The following MYLK variants were observed in gnomAD, a reference collection of about 807,000 sequenced individuals.
The protein encoded by MYLK is myosin light chain kinase, also known as myosin light chain kinase, smooth muscle.
MYLK carries 106 observed loss-of-function variants against 203.4 expected under a neutral mutation model. The ratio of observed to expected loss-of-function variants is 0.52; its 90% CI spans 0.45 to 0.61. MYLK has a LOEUF of 0.61. Ranked by LOEUF, MYLK falls within the 20% of genes least tolerant of loss-of-function variation. MYLK has a pLI of 0.00. For missense variants in MYLK, 2,072 were observed against 2,442.3 expected, an observed-to-expected ratio of 0.85 and a Z score of 3.20; for synonymous variants, 867 against 959.5, an observed-to-expected ratio of 0.90 and a Z score of 1.78.
intron 5 of MYLK, among the ~76,000 whole-genome samples, chr3:123,747,096 A>T (rs2063042488): frequency 6.6e-6 from 1 of 152,202 alleles, no homozygotes. Flanking sequence ...AGATAAAAGG[A>T]GTCTAAGAGA....
At chr3:123,735,081 C>T in intron 9 of MYLK, 1 of 398,402 alleles carries the variant, frequency 2.5e-6, no homozygotes, top group Non-Finnish European at 4.8e-6. Flanking sequence ...ACAGATTCCG[C>T]CCTGGAATGA....
At chr3:123,802,143 A>G (rs764099630) in intron 3 of MYLK, among the ~76,000 whole-genome samples, 2 of 152,164 alleles carry the variant, frequency 1.3e-5, no homozygotes, top group Non-Finnish European at 2.9e-5. Flanking sequence ...GTCAGATGGT[A>G]CCTCATGATA....
chr3:123,809,415 A>G (rs2065478069), intron 3 of MYLK, among the ~76,000 whole-genome samples: 1 of 152,194 alleles, frequency 6.6e-6, no homozygotes, highest in South Asian at 2.1e-4. Flanking sequence ...AATCCCAGCT[A>G]CTTGGGAGGC....
chr3:123,705,648 CCAGA>C (rs755333440), intron 16 of MYLK, among the ~76,000 whole-genome samples: 5 of 152,170 alleles, frequency 3.3e-5, no homozygotes, highest in Non-Finnish European at 5.9e-5. Flanking sequence ...CCAGCTGGCC[CCAGA>C]CAGTCTGCCT....
chr3:123,740,809 G>A (rs1292396598), intron 5 of MYLK, among the ~76,000 whole-genome samples: 4 of 152,372 alleles, frequency 2.6e-5, no homozygotes, highest in East Asian at 3.9e-4. Flanking sequence ...CATAGTAGGC[G>A]CTATCCTACT....
At chr3:123,761,813 G>A (rs549856166) in intron 4 of MYLK, among the ~76,000 whole-genome samples, 1 of 152,242 alleles carries the variant, frequency 6.6e-6, no homozygotes, top group African/African-American at 2.4e-5. Context: ...ATCGCCTGAG[G>A]TCAGGAATTT....
intron 3 of MYLK, among the ~76,000 whole-genome samples, chr3:123,809,334 G>A (rs1393224689): frequency 6.6e-6 from 1 of 152,122 alleles, no homozygotes; most frequent in Non-Finnish European, 1.5e-5. Flanking sequence ...AGACAAGCCT[G>A]GCCAACATGG....
At chr3:123,714,842 T>C (rs2061836955) in intron 13 of MYLK, among the ~76,000 whole-genome samples, 1 of 152,198 alleles carries the variant, frequency 6.6e-6, no homozygotes, top group Admixed American at 6.5e-5. Flanking sequence ...TGGAAAAGGA[T>C]TGATCGGGCT....
intron 2 of MYLK, among the ~76,000 whole-genome samples, chr3:123,872,971 G>A (rs1048840110): frequency 6.6e-6 from 1 of 152,076 alleles, no homozygotes; most frequent in African/African-American, 2.4e-5. Flanking sequence ...AAGCTATATA[G>A]GGGCTCACCA....
At chr3:123,838,513 T>A (rs2682202) in intron 2 of MYLK, among the ~76,000 whole-genome samples, 128,118 of 152,192 alleles carry the variant, frequency 0.84, 54,144 homozygotes, top group East Asian at 0.96. Flanking sequence ...AGACATTTTT[T>A]AAAATGTTTA....
chr3:123,627,084 G>A lies in MYLK; in HGVS notation c.5115-143C>T, dbSNP rs2058184609. ...GCTCCCGGACCATCCACCGTGATCA[G>A]GATCACTGTGCTCTTCACCTTTCTC... On this transcript the variant is annotated intron_variant, in intron 30 of 33. Transcript: ENST00000360304. The A allele has an allele frequency of 1.0e-5, 9 of 895,030 alleles. 1 individual carries two copies. The South Asian group carries it at 1.3e-4, about 13-fold the overall frequency. 55.4% of individuals were successfully genotyped at this position (895,030 alleles called of 1,614,324 possible). A position where few individuals can be genotyped will look rare whatever the true frequency, so the allele number is the denominator to read the frequency against.
At chr3:123,814,946 C>T (rs1293907676) in intron 3 of MYLK, among the ~76,000 whole-genome samples, 1 of 152,106 alleles carries the variant, frequency 6.6e-6, no homozygotes, top group Non-Finnish European at 1.5e-5. Flanking sequence ...GCACCTGACA[C>T]CATGCCTGGC....
intron 2 of MYLK, among the ~76,000 whole-genome samples, chr3:123,864,492 T>G (rs1432856905): frequency 6.6e-6 from 1 of 152,188 alleles, no homozygotes; most frequent in Non-Finnish European, 1.5e-5. Flanking sequence ...GATGGAAGGA[T>G]GGACAGATAG....
At chr3:123,710,634 T>G (rs987582623) in intron 13 of MYLK, among the ~76,000 whole-genome samples, 2 of 152,196 alleles carry the variant, frequency 1.3e-5, no homozygotes, top group African/African-American at 4.8e-5. Context: ...ACATGGCAGG[T>G]GGTACAGAAC....
chr3:123,700,768 G>C lies in MYLK; in HGVS notation c.2700C>G (p.Leu900=), dbSNP rs1267434000. The C allele has an allele frequency of 6.2e-7, 1 of 1,614,160 alleles. No individual in the cohort carries two copies. Among genetic ancestry groups the C allele is most frequent in the South Asian group, 1.1e-5 (1 of 91,080 alleles). Residue 900 remains leucine (L), a synonymous_variant, in exon 18 of 34, where the codon CTC becomes CTG. Coordinates refer to ENST00000360304, the MANE Select transcript of MYLK (RefSeq NM_053025.4). The part of the protein sequence containing the change: ...QEVEQLDFRD[L]LGKKVSTKTL... The stretch of plus-strand genomic sequence containing the variant: ...TCTTTGTACTCACCTTCTTCCCCAG[G>C]AGGTCTCGGAAGTCCAGCTGCTCCA...
chr3:123,755,841 T>C (rs1365261452), intron 4 of MYLK, among the ~76,000 whole-genome samples: 1 of 152,168 alleles, frequency 6.6e-6, no homozygotes, highest in Non-Finnish European at 1.5e-5. Flanking sequence ...ATGTATAGAC[T>C]CTTACTTGAC....
chr3:123,858,335 C>T (rs1021413744), intron 2 of MYLK, among the ~76,000 whole-genome samples: 2 of 152,162 alleles, frequency 1.3e-5, no homozygotes, highest in East Asian at 3.9e-4. Flanking sequence ...TAACCTTTCA[C>T]CCATTCCCTT....
chr3:123,837,815 G>A (rs1030544271), intron 2 of MYLK, among the ~76,000 whole-genome samples: 1 of 151,516 alleles, frequency 6.6e-6, no homozygotes, highest in African/African-American at 2.4e-5. Flanking sequence ...ACACAACTGG[G>A]GAAACAAAAT....
intron 3 of MYLK, among the ~76,000 whole-genome samples, chr3:123,804,989 G>A (rs563991342): frequency 2.0e-5 from 3 of 152,244 alleles, no homozygotes; most frequent in South Asian, 4.1e-4. Context: ...CGGTGACATG[G>A]TTGCCAGTAG....
Sources: allele counts gnomAD v4.1 joint callset (sites outside exome capture counted in the v4.1 genomes callset), GRCh38; gene constraint gnomAD v4.1.1; transcripts MANE v1.5; gene names NCBI Gene and HGNC (gene_info 2026-07-23, HGNC 2026-07-21).